The following WNT1 variants were observed in gnomAD, a reference collection of about 807,000 sequenced individuals.
WNT1 encodes the protein proto-oncogene Wnt-1.
In WNT1, 10 loss-of-function variants were observed where a neutral mutation model predicts 21.3. That is an observed-to-expected ratio of 0.47 (90% CI 0.29 to 0.80). WNT1 has a LOEUF of 0.80. Among genes scored for constraint, WNT1 ranks in the 30% least tolerant of loss-of-function variants. The probability of loss-of-function intolerance (pLI) is 0.09; values close to 1 mark genes in which losing one functional copy is unlikely to be tolerated. For synonymous variants in WNT1, 208 were observed against 236.3 expected (o/e 0.88, Z 1.10); for missense variants, 476 against 534.1 (o/e 0.89, Z 1.07).
Position 48,978,847 on chromosome 12 carries a change from G to A in WNT1, c.104+93G>A. 1.1e-6 allele frequency: 1 copy of A among 885,082 alleles called. No homozygotes were observed. Among genetic ancestry groups the A allele is most frequent in the Non-Finnish European group, 1.7e-6 (1 of 597,730 alleles). 54.8% of individuals were successfully genotyped at this position (885,082 alleles called of 1,614,324 possible). A position where few individuals can be genotyped will look rare whatever the true frequency, so the allele number is the denominator to read the frequency against. Reference sequence around the variant, plus strand: ...TCCCACGCTCTGGGATCCGTCTGCCGACAGGCTCCCTCCCCGCTCTGACTT... The same window carrying A: ...TCCCACGCTCTGGGATCCGTCTGCCAACAGGCTCCCTCCCCGCTCTGACTT... On this transcript the variant is annotated intron_variant, in intron 1 of 3. Transcript: ENST00000293549. This position sits in a 1 kb window ranked among gnomAD's most constrained non-coding sequence, Gnocchi z 7.4.
chr12:48,978,788 C>T lies in WNT1; in HGVS notation c.104+34C>T, dbSNP rs1227217053. 6.7e-7 allele frequency: 1 copy of T among 1,483,478 alleles called. No homozygotes were observed. The allele number at this position is 1,483,478 out of a possible 1,614,324, so 91.9% of individuals were successfully genotyped here. On this transcript the variant is annotated intron_variant, in intron 1 of 3. Coordinates refer to ENST00000293549, the MANE Select transcript of WNT1 (RefSeq NM_005430.4). The surrounding 1 kb of genome is among the most constrained non-coding windows in gnomAD (Gnocchi z 7.4). ...GCTGGTGCGGGGTCGCCACTTGTCC[C>T]GCGGCACAGAGCCAGGGGCCAACCC...
chr12:48,978,381 C>T lies in WNT1; in HGVS notation c.-270C>T, dbSNP rs1020188032. On this transcript the variant is annotated 5_prime_UTR_variant, in exon 1 of 4. Transcript: ENST00000293549. This position sits in a 1 kb window ranked among gnomAD's most constrained non-coding sequence, Gnocchi z 7.4. The stretch of plus-strand genomic sequence containing the variant: ...ATTGTCTGCGCCCCTAACCGGTGCG[C>T]CCTGGTGCCACAGTGCGGCCCGGAG... The T allele has an allele frequency of 1.9e-6, 1 of 520,368 alleles. No individual in the cohort carries two copies. The allele number at this position is 520,368 out of a possible 1,614,324, so 32.2% of individuals were successfully genotyped here. A position where few individuals can be genotyped will look rare whatever the true frequency, so the allele number is the denominator to read the frequency against.
Position 48,979,413 on chromosome 12 carries a change from T to C in WNT1, c.105-55T>C. ...GAAGAGGACCGGGTGGCACAGTTTT[T>C]ATGGTTAGGGTGCGGATCCCCTTCC... On this transcript the variant is annotated intron_variant, in intron 1 of 3. Coordinates refer to ENST00000293549, the MANE Select transcript of WNT1 (RefSeq NM_005430.4). This position sits in a 1 kb window ranked among gnomAD's most constrained non-coding sequence, Gnocchi z 6.0. The C allele has an allele frequency of 1.3e-6, 2 of 1,541,000 alleles. No homozygotes were observed. The highest frequency in any genetic ancestry group is 1.8e-6 in the Non-Finnish European group (2 of 1,141,174).
Position 48,981,302 on chromosome 12 carries a change from G to T in WNT1, c.775G>T (p.Gly259Cys), listed in dbSNP as rs766181837. The T allele has an allele frequency of 1.3e-6, 2 of 1,582,442 alleles. No individual in the cohort carries two copies. The highest frequency in any genetic ancestry group is 1.7e-6 in the Non-Finnish European group (2 of 1,164,700). ...CGACGGCGCCTCGCGCGTCCTGTAC[G>T]GCAACCGCGGCAGCAACCGCGCTTC... ...RFDGASRVLYGNRGSNRASRA... is the reference protein window; with the variant it reads ...RFDGASRVLYCNRGSNRASRA... The change falls in exon 4 of 4, where the codon GGC becomes TGC. Residue 259 changes from glycine (G) to cysteine (C), a missense_variant. By Grantham distance (159) the Gly-to-Cys change is radical (BLOSUM62 -3). Coordinates refer to ENST00000293549, the MANE Select transcript of WNT1 (RefSeq NM_005430.4). The surrounding 1 kb of genome is among the most constrained non-coding windows in gnomAD (Gnocchi z 7.4).
Position 48,978,561 on chromosome 12 carries a change from T to A in WNT1, c.-90T>A. 1 of 959,508 alleles carries A rather than the reference T, an allele frequency of 1.0e-6. No individual in the cohort carries two copies. Among genetic ancestry groups the A allele is most frequent in the Non-Finnish European group, 1.6e-6 (1 of 628,256 alleles). 59.4% of individuals were successfully genotyped at this position (959,508 alleles called of 1,614,324 possible). ...AAGCCAGACTGCGAACTCTCGCCAC[T>A]GCCGCCACCGCCGCGTCCCGTCCCA... On this transcript the variant is annotated 5_prime_UTR_variant, in exon 1 of 4. Transcript: ENST00000293549. The surrounding 1 kb of genome is among the most constrained non-coding windows in gnomAD (Gnocchi z 7.4).
At position 48,979,868 on chromosome 12, in the gene WNT1, G is replaced by C; in HGVS notation, c.358+147G>C. The stretch of plus-strand genomic sequence containing the variant: ...GCCAAGTGCCTCGTGCCCAGCGCCA[G>C]CTCGGGGCCAGACTTCTACCAGGCG... On this transcript the variant is annotated intron_variant, in intron 2 of 3. Transcript: ENST00000293549. This position sits in a 1 kb window ranked among gnomAD's most constrained non-coding sequence, Gnocchi z 6.0. The C allele has an allele frequency of 8.0e-7, 1 of 1,245,782 alleles. No homozygotes were observed. The highest frequency in any genetic ancestry group is 1.1e-6 in the Non-Finnish European group (1 of 932,286). The allele number at this position is 1,245,782 out of a possible 1,614,324, so 77.2% of individuals were successfully genotyped here.
rs780460871 is a variant in WNT1, at chr12:48,978,755, G to A, written c.104+1G>A. ...CTGCCAACAGCAGTGGCCGATGGTG[G>A]TAAGTGAGCTGGTGCGGGGTCGCCA... On this transcript the variant is annotated splice_donor_variant, in intron 1 of 3. Coordinates refer to ENST00000293549, the MANE Select transcript of WNT1 (RefSeq NM_005430.4). LOFTEE classifies it high-confidence loss of function. The surrounding 1 kb of genome is among the most constrained non-coding windows in gnomAD (Gnocchi z 7.4). 3 of 1,590,386 alleles carry A rather than the reference G, an allele frequency of 1.9e-6. No homozygotes were observed. The East Asian group carries it at 6.8e-5, about 36-fold the overall frequency.
chr12:48,981,213 T>C lies in WNT1; in HGVS notation c.686T>C (p.Val229Ala), dbSNP rs879114398. Residue 229 changes from valine to alanine, a missense_variant, in exon 4 of 4, where the codon GTG becomes GCG. Transcript: ENST00000293549. The surrounding 1 kb of genome is among the most constrained non-coding windows in gnomAD (Gnocchi z 7.4). ...KCHGMSGSCT[V>A]RTCWMRLPTL... Reference sequence around the variant, plus strand: ...CACGGGATGTCCGGCTCATGCACGGTGCGCACGTGCTGGATGCGGCTGCCC... The same window carrying C: ...CACGGGATGTCCGGCTCATGCACGGCGCGCACGTGCTGGATGCGGCTGCCC... The C allele has an allele frequency of 6.2e-7, 1 of 1,612,056 alleles. No individual in the cohort carries two copies. The highest frequency in any genetic ancestry group is 8.5e-7 in the Non-Finnish European group (1 of 1,179,434).
chr12:48,978,799 G>A lies in WNT1; in HGVS notation c.104+45G>A. ...GTCGCCACTTGTCCCGCGGCACAGA[G>A]CCAGGGGCCAACCCTACCCAGCTCC... is the stretch of plus-strand genomic sequence containing the variant. On this transcript the variant is annotated intron_variant, in intron 1 of 3. Coordinates refer to ENST00000293549, the MANE Select transcript of WNT1 (RefSeq NM_005430.4). This position sits in a 1 kb window ranked among gnomAD's most constrained non-coding sequence, Gnocchi z 7.4. 1 of 1,381,702 alleles carries A rather than the reference G, an allele frequency of 7.2e-7. No homozygotes were observed. Among genetic ancestry groups the A allele is most frequent in the Non-Finnish European group, 9.9e-7 (1 of 1,005,614 alleles). The allele number at this position is 1,381,702 out of a possible 1,614,324, so 85.6% of individuals were successfully genotyped here.
Position 48,979,903 on chromosome 12 carries a change from C to T in WNT1, c.358+182C>T, listed in dbSNP as rs186863160. ...AGACTTCTACCAGGCGTTTTCCAGC[C>T]GTGCACCCTGGAAACGAAGCTTAAC... On this transcript the variant is annotated intron_variant, in intron 2 of 3. Coordinates refer to ENST00000293549, the MANE Select transcript of WNT1 (RefSeq NM_005430.4). The surrounding 1 kb of genome is among the most constrained non-coding windows in gnomAD (Gnocchi z 6.0). Among the ~76,000 whole-genome samples the T allele has an allele frequency of 1.1e-4, 16 of 152,352 alleles. No individual in the cohort carries two copies. The highest frequency in any genetic ancestry group is 3.8e-4 in the African/African-American group (16 of 41,586).
Position 48,978,474 on chromosome 12 carries a change from G to A in WNT1, c.-177G>A, listed in dbSNP as rs1386370421. The stretch of plus-strand genomic sequence containing the variant: ...AGAGGCGGTGCCGCCCGCCGTGGCC[G>A]CCTCAGCCCACCAGCCGGGACCGCG... On this transcript the variant is annotated 5_prime_UTR_variant, in exon 1 of 4. Transcript: ENST00000293549. This position sits in a 1 kb window ranked among gnomAD's most constrained non-coding sequence, Gnocchi z 7.4. 2 of 589,512 alleles carry A rather than the reference G, an allele frequency of 3.4e-6. No homozygotes were observed. The highest frequency in any genetic ancestry group is 5.8e-5 in the Admixed American group (2 of 34,366). 36.5% of individuals were successfully genotyped at this position (589,512 alleles called of 1,614,324 possible). A position where few individuals can be genotyped will look rare whatever the true frequency, so the allele number is the denominator to read the frequency against.
At position 48,981,955 on chromosome 12, in the gene WNT1, T is replaced by G. The variant is rs1366367877; in HGVS notation, c.*315T>G. 6.6e-6 allele frequency among the ~76,000 whole-genome samples: 1 copy of G among 152,126 alleles called. No homozygotes were observed. The highest frequency in any genetic ancestry group is 1.5e-5 in the Non-Finnish European group (1 of 68,028). On this transcript the variant is annotated 3_prime_UTR_variant, in exon 4 of 4. Transcript: ENST00000293549. This position sits in a 1 kb window ranked among gnomAD's most constrained non-coding sequence, Gnocchi z 7.4. ...AGAGAAGGATGGGTCCCCTCCGCCA[T>G]GGGGTCGGCTCCTGATGGTGTCATT...
Position 48,981,585 on chromosome 12 carries a change from G to T in WNT1, c.1058G>T (p.Cys353Phe). The change falls in exon 4 of 4, where the codon TGC becomes TTC. Residue 353 changes from cysteine to phenylalanine, a missense_variant. Transcript: ENST00000293549. This position sits in a 1 kb window ranked among gnomAD's most constrained non-coding sequence, Gnocchi z 7.4. Reference protein sequence around the residue: ...ERCNCTFHWCCHVSCRNCTHT... With the variant: ...ERCNCTFHWCFHVSCRNCTHT... ...TGCAACTGCACCTTCCACTGGTGCT[G>T]CCACGTCAGCTGCCGCAACTGCACG... 1.3e-6 allele frequency: 2 copies of T among 1,502,742 alleles called. No homozygotes were observed. Among genetic ancestry groups the T allele is most frequent in the Non-Finnish European group, 8.9e-7 (1 of 1,128,322 alleles). The allele number at this position is 1,502,742 out of a possible 1,614,324, so 93.1% of individuals were successfully genotyped here. A position where few individuals can be genotyped will look rare whatever the true frequency, so the allele number is the denominator to read the frequency against.
In WNT1 at chr12:48,981,344, C is replaced by A. The variant is rs756503891; in HGVS notation, c.817C>A (p.Arg273Ser). 3 of 1,565,150 alleles carry A rather than the reference C, an allele frequency of 1.9e-6. No individual in the cohort carries two copies. The highest frequency in any genetic ancestry group is 1.2e-5 in the South Asian group (1 of 86,150). ...CCGCGCTTCGCGGGCGGAGCTGCTG[C>A]GCCTGGAGCCGGAAGACCCGGCCCA... ...SNRASRAELL[R>S]LEPEDPAHKP... The change falls in exon 4 of 4, where the codon CGC (arginine) becomes AGC (serine). Residue 273 changes from arginine to serine, a missense_variant. Transcript: ENST00000293549. This position sits in a 1 kb window ranked among gnomAD's most constrained non-coding sequence, Gnocchi z 7.4.
chr12:48,981,789 T>G lies in WNT1; in HGVS notation c.*149T>G, dbSNP rs1941018889. 1.7e-6 allele frequency: 2 copies of G among 1,166,626 alleles called. No homozygotes were observed. Among genetic ancestry groups the G allele is most frequent in the South Asian group, 1.8e-5 (1 of 55,766 alleles). 72.3% of individuals were successfully genotyped at this position (1,166,626 alleles called of 1,614,324 possible). A position where few individuals can be genotyped will look rare whatever the true frequency, so the allele number is the denominator to read the frequency against. ...TACGCATCCCATCTCTCCCACTTCC[T>G]CCTACCTGGGGACTCCTCAAACCAC... On this transcript the variant is annotated 3_prime_UTR_variant, in exon 4 of 4. Coordinates refer to ENST00000293549, the MANE Select transcript of WNT1 (RefSeq NM_005430.4). The surrounding 1 kb of genome is among the most constrained non-coding windows in gnomAD (Gnocchi z 7.4).
chr12:48,981,583 C>T lies in WNT1; in HGVS notation c.1056C>T (p.Cys352=). ...GCTGCAACTGCACCTTCCACTGGTG[C>T]TGCCACGTCAGCTGCCGCAACTGCA... The part of the protein sequence containing the change: ...TERCNCTFHW[C]CHVSCRNCTH... The change falls in exon 4 of 4, where the codon TGC becomes TGT. Residue 352 remains cysteine (C), a synonymous_variant. Transcript: ENST00000293549. The surrounding 1 kb of genome is among the most constrained non-coding windows in gnomAD (Gnocchi z 7.4). 6.6e-7 allele frequency: 1 copy of T among 1,505,762 alleles called. No individual in the cohort carries two copies. The highest frequency in any genetic ancestry group is 2.5e-5 in the East Asian group (1 of 39,346). The allele number at this position is 1,505,762 out of a possible 1,614,324, so 93.3% of individuals were successfully genotyped here.
In WNT1 at chr12:48,981,502, C is replaced by T. The variant is rs751568269; in HGVS notation, c.975C>T (p.Cys325=). 395 of 1,550,084 alleles carry T rather than the reference C, an allele frequency of 2.5e-4. 2 individuals are homozygous for T. The highest frequency in any genetic ancestry group is 3.1e-4 in the Non-Finnish European group (358 of 1,147,134). Reference sequence around the variant, plus strand: ...GCTCGTCGCCCGCGCTGGACGGCTGCGAGCTGCTCTGCTGCGGCAGGGGCC... The same window carrying T: ...GCTCGTCGCCCGCGCTGGACGGCTGTGAGCTGCTCTGCTGCGGCAGGGGCC... ...CNSSSPALDG[C]ELLCCGRGHR... The change falls in exon 4 of 4, where the codon TGC becomes TGT. Residue 325 remains cysteine (C), a synonymous_variant. Transcript: ENST00000293549. The surrounding 1 kb of genome is among the most constrained non-coding windows in gnomAD (Gnocchi z 7.4).
Position 48,981,354 on chromosome 12 carries a change from C to G in WNT1, c.827C>G (p.Pro276Arg), listed in dbSNP as rs1462033784. The G allele has an allele frequency of 2.6e-6, 4 of 1,567,586 alleles. No individual in the cohort carries two copies. The highest frequency in any genetic ancestry group is 3.5e-6 in the Non-Finnish European group (4 of 1,156,288). The change falls in exon 4 of 4, where the codon CCG (proline) becomes CGG (arginine). Residue 276 changes from proline (P) to arginine (R), a missense_variant. Coordinates refer to ENST00000293549, the MANE Select transcript of WNT1 (RefSeq NM_005430.4). This position sits in a 1 kb window ranked among gnomAD's most constrained non-coding sequence, Gnocchi z 7.4. ...ASRAELLRLE[P>R]EDPAHKPPSP... ...CGGGCGGAGCTGCTGCGCCTGGAGC[C>G]GGAAGACCCGGCCCACAAACCGCCC...
Position 48,979,853 on chromosome 12 carries a change from T to C in WNT1, c.358+132T>C. 7.6e-7 allele frequency: 1 copy of C among 1,317,568 alleles called. No homozygotes were observed. Among genetic ancestry groups the C allele is most frequent in the South Asian group, 1.6e-5 (1 of 62,412 alleles). 81.6% of individuals were successfully genotyped at this position (1,317,568 alleles called of 1,614,324 possible). ...CACACAATCAACCTTGCCAAGTGCC[T>C]CGTGCCCAGCGCCAGCTCGGGGCCA... On this transcript the variant is annotated intron_variant, in intron 2 of 3. Transcript: ENST00000293549. This position sits in a 1 kb window ranked among gnomAD's most constrained non-coding sequence, Gnocchi z 6.0.
Sources: allele counts gnomAD v4.1 joint callset (sites outside exome capture counted in the v4.1 genomes callset), GRCh38; gene constraint gnomAD v4.1.1; non-coding constraint Gnocchi (gnomAD v3.1); transcripts MANE v1.5; gene names NCBI Gene and HGNC (gene_info 2026-07-23, HGNC 2026-07-21).